Variants in SHC4 observed in about 807,000 individuals in gnomAD.
SHC4 encodes SHC adaptor protein 4, also known as SHC-transforming protein 4.
SHC4 carries 41 observed loss-of-function variants against 69.4 expected under a neutral mutation model. The observed-to-expected ratio is 0.59, with a 90% CI of 0.46 to 0.77. The LOEUF is 0.77. Ranked by LOEUF, SHC4 falls within the 30% of genes least tolerant of loss-of-function variation. The pLI is 0.00. For synonymous variants in SHC4, 318 were observed against 299.3 expected (o/e 1.06, Z -0.64); for missense variants, 777 against 783.8 (o/e 0.99, Z 0.10).
intron 4 of SHC4, among the ~76,000 whole-genome samples, chr15:48,880,567 G>A (rs28733856): frequency 8.3e-4 from 126 of 152,162 alleles, no homozygotes; most frequent in African/African-American, 3.0e-3. Context: ...CAAACTAGAA[G>A]GTTGTGATTC....
intron 3 of SHC4, among the ~76,000 whole-genome samples, chr15:48,886,960 A>G (rs1281973714): frequency 2.0e-5 from 3 of 152,152 alleles, no homozygotes; most frequent in South Asian, 2.1e-4. Context: ...TACAAACGAG[A>G]AAAGTATTAA....
chr15:48,850,897 A>C (rs1304435700), intron 9 of SHC4, among the ~76,000 whole-genome samples: 1 of 152,216 alleles, frequency 6.6e-6, no homozygotes, highest in African/African-American at 2.4e-5. Flanking sequence ...TCGAGCAGAG[A>C]AAGCACCTTT....
chr15:48,831,291 C>T (rs1898795978), intron 11 of SHC4, among the ~76,000 whole-genome samples: 1 of 152,012 alleles, frequency 6.6e-6, no homozygotes, highest in African/African-American at 2.4e-5. Context: ...GGTCTAAGTG[C>T]ATAGTGTTTA....
rs1316507440 is a variant in SHC4, at chr15:48,851,199, C to T, written c.1292G>A (p.Ser431Asn). ...GGCATTGTACCTACCTATTGCCCTG[C>T]TTTGTTCTAAACAGTTCTCATATAC... ...SSVYENCLEQSRAIGNVHPRG... is the reference protein window; with the variant it reads ...SSVYENCLEQNRAIGNVHPRG... The change falls in exon 9 of 12, where the codon AGC becomes AAC. Residue 431 changes from serine (S) to asparagine (N), a missense_variant. Physicochemically the swap from Ser to Asn is conservative, Grantham distance 46. Coordinates refer to ENST00000332408, the MANE Select transcript of SHC4 (RefSeq NM_203349.4). 4 of 1,613,896 alleles carry T rather than the reference C, an allele frequency of 2.5e-6. No individual in the cohort carries two copies. The South Asian group carries it at 3.3e-5, about 13-fold the overall frequency.
chr15:48,927,702 ACACCC>A (rs1900879449), intron 1 of SHC4, among the ~76,000 whole-genome samples: 1 of 151,784 alleles, frequency 6.6e-6, no homozygotes, highest in Admixed American at 6.6e-5. Context: ...CTCCTCAAAT[ACACCC>A]CAGCTCTTCC....
intron 4 of SHC4, 117 bp downstream of exon 4, chr15:48,884,131 C>A: frequency 8.9e-7 from 1 of 1,120,644 alleles, no homozygotes. Context: ...CAGATTTTTC[C>A]CTTGTGCTGT....
intron 11 of SHC4, among the ~76,000 whole-genome samples, chr15:48,831,540 G>A (rs1033137773): frequency 6.6e-6 from 1 of 152,186 alleles, no homozygotes; most frequent in Non-Finnish European, 1.5e-5. Context: ...CTAACGTGCT[G>A]TATAGGTTTG....
At position 48,963,603 on chromosome 15, in the gene SHC4, CA is replaced by C. The variant is rs1333783196; in HGVS notation, c.-589del. Among the ~76,000 whole-genome samples, 1 of 152,148 alleles carries C rather than the reference CA, an allele frequency of 6.6e-6. No homozygotes were observed. The highest frequency in any genetic ancestry group is 1.5e-5 in the Non-Finnish European group (1 of 68,036). On this transcript the variant is annotated 5_prime_UTR_variant, in exon 1 of 12. It introduces an in-frame stop codon into an upstream open reading frame of the 5' UTR. Coordinates refer to ENST00000332408, the MANE Select transcript of SHC4 (RefSeq NM_203349.4). Reference sequence around the variant, plus strand: ...CCCTTTTGCCTGGGTTCGTTGATTCCAAAGGCTGCCCTCTCTTGGAAGATCT... The same window carrying C: ...CCCTTTTGCCTGGGTTCGTTGATTCCAAGGCTGCCCTCTCTTGGAAGATCT...
chr15:48,945,618 A>C (rs1370568949), intron 1 of SHC4, among the ~76,000 whole-genome samples: 1 of 152,240 alleles, frequency 6.6e-6, no homozygotes, highest in East Asian at 1.9e-4. Context: ...CAGACACAAA[A>C]GACCACATAT....
At chr15:48,834,008 A>G (rs1595725559) in intron 11 of SHC4, among the ~76,000 whole-genome samples, 1 of 152,168 alleles carries the variant, frequency 6.6e-6, no homozygotes, top group East Asian at 1.9e-4. Flanking sequence ...CTATTCTGCC[A>G]TCTTGCTGAT....
intron 9 of SHC4, among the ~76,000 whole-genome samples, chr15:48,846,776 A>G (rs181482699): frequency 1.3e-5 from 2 of 152,288 alleles, no homozygotes; most frequent in African/African-American, 4.8e-5. Context: ...ATGTCTATCC[A>G]ATCTTCCTTT....
At chr15:48,948,036 C>T (rs1365103457) in intron 1 of SHC4, 4 of 152,228 alleles carry the variant, frequency 2.6e-5, no homozygotes, top group African/African-American at 7.2e-5. Context: ...ACACCCTTCT[C>T]GTTGCTGATT....
intron 2 of SHC4, among the ~76,000 whole-genome samples, chr15:48,904,940 A>AACACACAC (rs71650107): frequency 9.4e-4 from 136 of 144,786 alleles, no homozygotes; most frequent in Admixed American, 4.7e-3. Flanking sequence ...ACACAGACAC[A>AACACACAC]ACACACACAC....
intron 6 of SHC4, among the ~76,000 whole-genome samples, chr15:48,862,317 A>G (rs1296256735): frequency 1.3e-5 from 2 of 152,124 alleles, no homozygotes; most frequent in East Asian, 3.8e-4. Context: ...ACATTCCTGG[A>G]CTGCCACACA....
intron 1 of SHC4, among the ~76,000 whole-genome samples, chr15:48,929,655 G>A (rs895649225): frequency 1.3e-5 from 2 of 152,164 alleles, no homozygotes; most frequent in Admixed American, 6.5e-5. Context: ...TGTCGAGACG[G>A]GGGACCACAA....
chr15:48,867,102 A>C (rs1361216814), intron 6 of SHC4, among the ~76,000 whole-genome samples: 1 of 152,238 alleles, frequency 6.6e-6, no homozygotes, highest in Non-Finnish European at 1.5e-5. Flanking sequence ...ATTTTAGCCT[A>C]GTAGAAAGGA....
chr15:48,837,108 C>T (rs1048137687), intron 10 of SHC4, among the ~76,000 whole-genome samples: 1 of 152,112 alleles, frequency 6.6e-6, no homozygotes, highest in African/African-American at 2.4e-5. Context: ...CGTCTTAATG[C>T]GTGATGGCTT....
intron 2 of SHC4, among the ~76,000 whole-genome samples, chr15:48,908,588 C>A (rs929859392): frequency 1.3e-5 from 2 of 152,108 alleles, no homozygotes; most frequent in South Asian, 2.1e-4. Context: ...GTTTTTATTG[C>A]GTTTGCTTTT....
chr15:48,910,472 G>A (rs1900487928), intron 2 of SHC4, among the ~76,000 whole-genome samples: 1 of 151,854 alleles, frequency 6.6e-6, no homozygotes, highest in African/African-American at 2.4e-5. Context: ...CTTGCTAATG[G>A]TCTATCAATT....
Sources: gnomAD v4.1 joint callset for allele counts (sites outside exome capture counted in the v4.1 genomes callset) on GRCh38, gnomAD v4.1.1 for gene constraint, MANE v1.5 for transcripts, NCBI Gene and HGNC (gene_info 2026-07-23, HGNC 2026-07-21) for gene names.